Variants in NALF1 observed in about 807,000 individuals in gnomAD.
The protein encoded by NALF1 is NALCN channel auxiliary factor 1.
In NALF1, 3 loss-of-function variants were observed where a neutral mutation model predicts 48.4. The ratio of observed to expected loss-of-function variants is 0.06; its 90% CI spans 0.03 to 0.16. The LOEUF (loss-of-function observed/expected upper bound fraction) is 0.16, where lower values mean the gene tolerates loss of function less well. NALF1 is among the 10% of genes least tolerant of loss of function. The pLI, the probability that NALF1 is intolerant of heterozygous loss-of-function variation, is 1.00. For missense variants in NALF1, 526 were observed against 571.5 expected (o/e 0.92, Z 0.81); for synonymous variants, 262 against 245.7 (o/e 1.07, Z -0.62).
In NALF1 at chr13:107,537,670, A is replaced by G. The variant is rs1334140291; in HGVS notation, c.916-326915T>C. ...TGGTCAGCTTCACAGTCCAGACTCCAGGCAGTGGCACTGAGTGTGGCAATG... is the reference window on the plus strand; with the variant it reads ...TGGTCAGCTTCACAGTCCAGACTCCGGGCAGTGGCACTGAGTGTGGCAATG... On this transcript the variant is annotated intron_variant, in intron 1 of 2. Coordinates refer to ENST00000375915, the MANE Select transcript of NALF1 (RefSeq NM_001080396.3). Among the ~76,000 whole-genome samples the G allele has an allele frequency of 3.3e-5, 5 of 152,210 alleles. No homozygotes were observed. The South Asian group carries it at 8.3e-4, about 25-fold the overall frequency.
intron 1 of NALF1, among the ~76,000 whole-genome samples, chr13:107,435,648 C>T (rs149916789): frequency 8.9e-4 from 135 of 152,188 alleles, no homozygotes; most frequent in African/African-American, 3.2e-3. Context: ...TTCAAACAGG[C>T]TGATGGTACA....
chr13:107,261,595 C>A, intron 1 of NALF1, among the ~76,000 whole-genome samples: 1 of 152,074 alleles, frequency 6.6e-6, no homozygotes, highest in East Asian at 1.9e-4. Context: ...GAAGAGTGGG[C>A]TTCTCTCTCT....
intron 1 of NALF1, among the ~76,000 whole-genome samples, chr13:107,733,911 C>T (rs1876387158): frequency 6.6e-6 from 1 of 152,102 alleles, no homozygotes; most frequent in Non-Finnish European, 1.5e-5. Flanking sequence ...ATTGTGTAAA[C>T]ATCATACAAT....
Position 107,839,786 on chromosome 13 carries a change from AT to A in NALF1, c.915+25895del, listed in dbSNP as rs1378241328. Among the ~76,000 whole-genome samples, 5 of 152,336 alleles carry A rather than the reference AT, an allele frequency of 3.3e-5. No homozygotes were observed. The East Asian group carries it at 9.7e-4, about 29-fold the overall frequency. On this transcript the variant is annotated intron_variant, in intron 1 of 2. Coordinates refer to ENST00000375915, the MANE Select transcript of NALF1 (RefSeq NM_001080396.3). ...AATAAAGTGGAAAAAGTAAATTAAA[AT>A]AGTGAAATACCACTTTTTATGTCTT... is the stretch of plus-strand genomic sequence containing the variant.
chr13:107,224,001 A>G (rs1880047429), intron 1 of NALF1, among the ~76,000 whole-genome samples: 1 of 152,160 alleles, frequency 6.6e-6, no homozygotes, highest in Non-Finnish European at 1.5e-5. Flanking sequence ...AATAATCATA[A>G]CATTATTGTT....
At chr13:107,289,612 A>G (rs1881574159) in intron 1 of NALF1, among the ~76,000 whole-genome samples, 1 of 152,212 alleles carries the variant, frequency 6.6e-6, no homozygotes, top group South Asian at 2.1e-4. Context: ...TTAGAAAGCA[A>G]CGAATGAGAG....
intron 1 of NALF1, among the ~76,000 whole-genome samples, chr13:107,214,112 T>C (rs1879824268): frequency 6.6e-6 from 1 of 152,148 alleles, no homozygotes; most frequent in Non-Finnish European, 1.5e-5. Flanking sequence ...TTTCAATACC[T>C]CTTGTCAAAA....
At chr13:107,690,042 T>C (rs1881531361) in intron 1 of NALF1, among the ~76,000 whole-genome samples, 1 of 152,244 alleles carries the variant, frequency 6.6e-6, no homozygotes, top group South Asian at 2.1e-4. Context: ...TGCCTTTCAC[T>C]GTTAAATTTA....
rs1469458940 is a variant in NALF1 at position 107,297,330 on chromosome 13, G to T, written c.916-86575C>A. ...TTAGTGACTAATTTGATAATGAAAA[G>T]AAACAGTATTTTTCTCAATTTACCA... On this transcript the variant is annotated intron_variant, in intron 1 of 2. Coordinates refer to ENST00000375915, the MANE Select transcript of NALF1 (RefSeq NM_001080396.3). 2.0e-5 allele frequency among the ~76,000 whole-genome samples: 3 copies of T among 152,114 alleles called. No individual in the cohort carries two copies. In the South Asian group the frequency reaches 6.2e-4, roughly 32 times the overall value.
At chr13:107,644,016 A>C (rs1456269989) in intron 1 of NALF1, among the ~76,000 whole-genome samples, 2 of 150,590 alleles carry the variant, frequency 1.3e-5, no homozygotes, top group African/African-American at 4.9e-5. Context: ...CAAATTTCTG[A>C]AGAATTACAA....
At chr13:107,265,803 T>C (rs1027179892) in intron 1 of NALF1, among the ~76,000 whole-genome samples, 6 of 152,222 alleles carry the variant, frequency 3.9e-5, no homozygotes, top group African/African-American at 7.2e-5. Flanking sequence ...GTAATTAATA[T>C]ATTGAAATTT....
intron 1 of NALF1, among the ~76,000 whole-genome samples, chr13:107,687,142 T>C (rs928933644): frequency 1.3e-5 from 2 of 152,176 alleles, no homozygotes; most frequent in African/African-American, 4.8e-5. Flanking sequence ...ATTATGTCCT[T>C]TGCAGGAACA....
At chr13:107,382,776 A>T (rs927149544) in intron 1 of NALF1, among the ~76,000 whole-genome samples, 1 of 152,196 alleles carries the variant, frequency 6.6e-6, no homozygotes, top group Non-Finnish European at 1.5e-5. Flanking sequence ...GGACACTATG[A>T]GTGGTGTTGT....
At chr13:107,617,448 A>G (rs1886228) in intron 1 of NALF1, among the ~76,000 whole-genome samples, 50,933 of 152,154 alleles carry the variant, frequency 0.33, 9,404 homozygotes, top group East Asian at 0.51. Context: ...TCCTAGGCAC[A>G]TTATTTACTT....
intron 1 of NALF1, among the ~76,000 whole-genome samples, chr13:107,592,756 AT>A (rs1878633134): frequency 6.6e-6 from 1 of 151,924 alleles, no homozygotes; most frequent in African/African-American, 2.4e-5. Flanking sequence ...TCATTCATAC[AT>A]TTTAGAAAAA....
chr13:107,661,819 T>C lies in NALF1; in HGVS notation c.915+203863A>G, dbSNP rs375789558. 3.9e-5 allele frequency among the ~76,000 whole-genome samples: 6 copies of C among 152,244 alleles called. No homozygotes were observed. In the East Asian group the frequency reaches 9.7e-4, roughly 25 times the overall value. On this transcript the variant is annotated intron_variant, in intron 1 of 2. Transcript: ENST00000375915. ...CTACAACACTAATTTTATACATATT[T>C]TAAGCCTGATACTTAACACCTGCTA...
At chr13:107,394,599 TA>T (rs1326411455) in intron 1 of NALF1, among the ~76,000 whole-genome samples, 1 of 152,172 alleles carries the variant, frequency 6.6e-6, no homozygotes, top group Non-Finnish European at 1.5e-5. Flanking sequence ...AAGGTTTCTT[TA>T]AAAATCTGTT....
chr13:107,389,226 C>T (rs1345102124), intron 1 of NALF1, among the ~76,000 whole-genome samples: 1 of 152,218 alleles, frequency 6.6e-6, no homozygotes, highest in Non-Finnish European at 1.5e-5. Flanking sequence ...CTACTTACCA[C>T]ATTGTAACAC....
intron 1 of NALF1, among the ~76,000 whole-genome samples, chr13:107,386,159 T>TAC (rs1345634328): frequency 6.6e-6 from 1 of 152,232 alleles, no homozygotes; most frequent in Non-Finnish European, 1.5e-5. Context: ...AGAACTTGTT[T>TAC]AGTAAACTTG....
Sources: gnomAD v4.1 joint callset for allele counts (sites outside exome capture counted in the v4.1 genomes callset) on GRCh38, gnomAD v4.1.1 for gene constraint, MANE v1.5 for transcripts, NCBI Gene and HGNC (gene_info 2026-07-23, HGNC 2026-07-21) for gene names.